The following LRRFIP2 variants were observed in gnomAD, a reference collection of about 807,000 sequenced individuals.
LRRFIP2 encodes LRR binding FLII interacting protein 2.
Under a neutral mutation model 125.9 loss-of-function variants are expected in LRRFIP2, and 109 were observed. That is an observed-to-expected ratio of 0.87 (90% confidence interval 0.74 to 1.01). The LOEUF (loss-of-function observed/expected upper bound fraction) is 1.01. LRRFIP2 is among the 50% of genes least tolerant of loss of function. LRRFIP2 has a pLI of 0.00. For missense variants in LRRFIP2, 850 were observed against 862.3 expected, an observed-to-expected ratio of 0.99 and a Z score of 0.18; for synonymous variants, 291 against 293.1, an observed-to-expected ratio of 0.99 and a Z score of 0.07.
upstream of LRRFIP2, among the ~76,000 whole-genome samples, chr3:37,175,410 T>A (rs987240905): frequency 6.6e-5 from 10 of 152,206 alleles, no homozygotes; most frequent in Non-Finnish European, 1.2e-4. Context: ...TATTTGTATC[T>A]CCCACGGTGA....
intron 1 of LRRFIP2, among the ~76,000 whole-genome samples, chr3:37,166,463 T>C (rs1237611733): frequency 1.3e-5 from 2 of 152,108 alleles, no homozygotes; most frequent in South Asian, 2.1e-4. Flanking sequence ...AAAGGATTGA[T>C]ATAAAGAACT....
At chr3:37,090,137 T>C (rs1272681996) in intron 18 of LRRFIP2, among the ~76,000 whole-genome samples, 1 of 152,238 alleles carries the variant, frequency 6.6e-6, no homozygotes, top group Non-Finnish European at 1.5e-5. Context: ...ATCTATGCTT[T>C]GTCCTTTGGA....
At chr3:37,115,270 C>G (rs1253754359) in intron 6 of LRRFIP2, among the ~76,000 whole-genome samples, 175 bp from the exon 7 acceptor site, 1 of 152,020 alleles carries the variant, frequency 6.6e-6, no homozygotes, top group Non-Finnish European at 1.5e-5. Flanking sequence ...CTACTTTTTC[C>G]TAGTATAAAG....
chr3:37,121,610 G>A (rs1459458857), intron 5 of LRRFIP2, 25 bp downstream of exon 5: 6 of 1,613,822 alleles, frequency 3.7e-6, no homozygotes, highest in African/African-American at 2.7e-5. Flanking sequence ...AAGTATTAGA[G>A]GCAAGTGTAT....
chr3:37,121,740 G>A (rs2095052712), intron 4 of LRRFIP2, 49 bp from the exon 5 acceptor site: 8 of 1,569,630 alleles, frequency 5.1e-6, no homozygotes, highest in Non-Finnish European at 7.0e-6. Flanking sequence ...ATAGACAGTT[G>A]TTTATCAGAA....
chr3:37,072,076 A>G (rs375606266), intron 21 of LRRFIP2, among the ~76,000 whole-genome samples: 6 of 152,146 alleles, frequency 3.9e-5, no homozygotes, highest in African/African-American at 1.4e-4. Context: ...TATTTTATAC[A>G]CCAAGGATTT....
At position 37,053,914 on chromosome 3, in the gene LRRFIP2, G is replaced by T. The variant is rs752714260; in HGVS notation, c.2103C>A (p.Ser701Arg). ...DKIEEMEMTN[S>R]HLAKRLEKMK... ...TCTTCTCCAGCCGCTTGGCCAGGTG[G>T]CTGTTGGTCATCTCCATCTCCTCAA... The change falls in exon 28 of 28, where the codon AGC (serine) becomes AGA (arginine). Residue 701 changes from serine to arginine, a missense_variant. Coordinates refer to ENST00000336686, the MANE Select transcript of LRRFIP2 (RefSeq NM_006309.4). The T allele has an allele frequency of 6.2e-7, 1 of 1,614,102 alleles. No individual in the cohort carries two copies. Among genetic ancestry groups the T allele is most frequent in the East Asian group, 2.2e-5 (1 of 44,882 alleles).
At chr3:37,150,167 G>A (rs1026275111) in intron 1 of LRRFIP2, among the ~76,000 whole-genome samples, 7 of 151,948 alleles carry the variant, frequency 4.6e-5, no homozygotes, top group African/African-American at 1.7e-4. Flanking sequence ...ATAGTCAAAT[G>A]ATTAAGAATA....
At chr3:37,149,762 AGGCTGAGGTG>A in intron 1 of LRRFIP2, among the ~76,000 whole-genome samples, 1 of 152,212 alleles carries the variant, frequency 6.6e-6, no homozygotes, top group East Asian at 1.9e-4. Context: ...GCACTTGGGG[AGGCTGAGGTG>A]GGCAGATCAC....
intron 2 of LRRFIP2, among the ~76,000 whole-genome samples, chr3:37,139,988 A>G (rs1189028160): frequency 1.3e-5 from 2 of 152,220 alleles, no homozygotes; most frequent in Admixed American, 6.5e-5. Flanking sequence ...CAAACCCAAT[A>G]GAATTTTTCT....
intron 2 of LRRFIP2, among the ~76,000 whole-genome samples, chr3:37,141,655 T>C (rs1452676496): frequency 1.3e-5 from 2 of 152,220 alleles, no homozygotes; most frequent in Non-Finnish European, 2.9e-5. Context: ...TCTGGCCAAG[T>C]ATGGCATATG....
chr3:37,073,797 C>T (rs542338209), intron 20 of LRRFIP2, among the ~76,000 whole-genome samples: 2 of 150,144 alleles, frequency 1.3e-5, no homozygotes, highest in South Asian at 2.1e-4. Flanking sequence ...CCAGTCCTAA[C>T]TTAAGCTATT....
chr3:37,074,394 TA>T (rs2091729671), intron 20 of LRRFIP2, among the ~76,000 whole-genome samples: 1 of 152,186 alleles, frequency 6.6e-6, no homozygotes, highest in Non-Finnish European at 1.5e-5. Flanking sequence ...CATATTTATC[TA>T]AAAACATCGT....
intron 6 of LRRFIP2, among the ~76,000 whole-genome samples, chr3:37,119,679 G>A (rs1487313171): frequency 6.6e-6 from 1 of 151,846 alleles, no homozygotes; most frequent in Admixed American, 6.6e-5. Context: ...TTTTTATTTT[G>A]AGACAGAGTA....
intron 2 of LRRFIP2, chr3:37,134,589 AC>A: frequency 1.9e-6 from 1 of 528,282 alleles, no homozygotes; most frequent in Non-Finnish European, 3.7e-6. Context: ...CTCCGGGATA[AC>A]CAGGAGTTTT....
At chr3:37,067,175 C>T (rs1477779129) in intron 21 of LRRFIP2, 1 of 152,164 alleles carries the variant, frequency 6.6e-6, no homozygotes, top group East Asian at 1.9e-4. Flanking sequence ...GCCTGTAATG[C>T]CTAGATAGCA....
At chr3:37,134,722 C>T (rs947391688) in intron 2 of LRRFIP2, 1 of 778,440 alleles carries the variant, frequency 1.3e-6, no homozygotes, top group Non-Finnish European at 2.3e-6. Flanking sequence ...GCACAATGTT[C>T]TGCAGGTCCA....
At chr3:37,119,527 C>T (rs1481458160) in intron 6 of LRRFIP2, among the ~76,000 whole-genome samples, 1 of 152,102 alleles carries the variant, frequency 6.6e-6, no homozygotes, top group Non-Finnish European at 1.5e-5. Flanking sequence ...TGTGAAAATA[C>T]ACACTGCGAA....
intron 1 of LRRFIP2, among the ~76,000 whole-genome samples, chr3:37,156,606 G>A (rs1050886880): frequency 5.5e-5 from 8 of 144,976 alleles, no homozygotes; most frequent in Admixed American, 1.4e-4. Flanking sequence ...CCTGGGAGGC[G>A]GAGCTTGCAG....
Sources: gnomAD v4.1 joint callset for allele counts (sites outside exome capture counted in the v4.1 genomes callset) on GRCh38, gnomAD v4.1.1 for gene constraint, MANE v1.5 for transcripts, NCBI Gene and HGNC (gene_info 2026-07-23, HGNC 2026-07-21) for gene names.